LRRC17: variants seen among roughly 807,000 people sequenced by gnomAD.
LRRC17 encodes leucine rich repeat containing 17, also known as leucine-rich repeat-containing protein 17.
A neutral mutation model predicts 41.5 loss-of-function variants in LRRC17; 33 were observed. The ratio of observed to expected loss-of-function variants is 0.80; its 90% CI spans 0.60 to 1.06. LRRC17 has a LOEUF of 1.06. Ranked by LOEUF, LRRC17 falls within the 50% of genes least tolerant of loss-of-function variation. The pLI is 0.00. For synonymous variants in LRRC17, 192 were observed against 197.0 expected, an observed-to-expected ratio of 0.97 and a Z score of 0.21; for missense variants, 491 against 519.3, an observed-to-expected ratio of 0.95 and a Z score of 0.53.
At chr7:102,924,473 A>T (rs1817675117) in intron 1 of LRRC17, among the ~76,000 whole-genome samples, 1 of 152,116 alleles carries the variant, frequency 6.6e-6, no homozygotes, top group South Asian at 2.1e-4. Context: ...GAGCATCAGA[A>T]GAAATTTCAA....
chr7:102,926,427 T>G, intron 1 of LRRC17: 1 of 1,394,580 alleles, frequency 7.2e-7, no homozygotes, highest in Admixed American at 2.0e-5. Flanking sequence ...GGCTTTGCAA[T>G]TTCCCCATTA....
chr7:102,937,725 G>T (rs971284403), intron 2 of LRRC17, among the ~76,000 whole-genome samples: 1 of 152,144 alleles, frequency 6.6e-6, no homozygotes, highest in Non-Finnish European at 1.5e-5. Flanking sequence ...GATTGATGAT[G>T]ATAACTGGAC....
chr7:102,933,219 C>G (rs1819562615), intron 1 of LRRC17: 1 of 151,950 alleles, frequency 6.6e-6, no homozygotes, highest in African/African-American at 2.4e-5. Flanking sequence ...GTGCCATTTA[C>G]TCCAAGCATC....
chr7:102,936,310 A>G (rs1340774689), intron 2 of LRRC17: 1 of 152,238 alleles, frequency 6.6e-6, no homozygotes, highest in Non-Finnish European at 1.5e-5. Flanking sequence ...TCACTTGACC[A>G]TGGATCTCAC....
Position 102,944,592 on chromosome 7 carries a change from T to C in LRRC17, c.1311T>C (p.Ile437=), listed in dbSNP as rs1822127077. The C allele has an allele frequency of 2.5e-6, 4 of 1,605,678 alleles. No individual in the cohort carries two copies. The highest frequency in any genetic ancestry group is 3.4e-6 in the Non-Finnish European group (4 of 1,177,618). ...CCGCAAAGAAGCAAAGCGTAATAAT[T>C]ACTATAGTAGGATAAGGTAGAAATT... The part of the protein sequence containing the change: ...DHTAKKQSVI[I]TIVG Residue 437 remains isoleucine, a synonymous_variant, in exon 4 of 4, where the codon ATT becomes ATC. Coordinates refer to ENST00000339431, the MANE Select transcript of LRRC17 (RefSeq NM_001031692.3).
At chr7:102,933,480 T>C (rs1207635330) in intron 1 of LRRC17, 1 of 153,070 alleles carries the variant, frequency 6.5e-6, no homozygotes, top group Non-Finnish European at 1.5e-5. Flanking sequence ...AAGCATCTTA[T>C]GCGCATGAGC....
chr7:102,920,303 CT>C (rs1816731944), intron 1 of LRRC17, among the ~76,000 whole-genome samples: 1 of 152,144 alleles, frequency 6.6e-6, no homozygotes, highest in African/African-American at 2.4e-5. Flanking sequence ...GACAGAAATA[CT>C]GAGTACAGTG....
chr7:102,933,244 C>T (rs1418905685), intron 1 of LRRC17: 1 of 152,074 alleles, frequency 6.6e-6, no homozygotes, highest in Non-Finnish European at 1.5e-5. Context: ...GAGCCCACAC[C>T]CAACATGGTT....
At chr7:102,919,291 A>T (rs1816520515) in intron 1 of LRRC17, among the ~76,000 whole-genome samples, 1 of 152,210 alleles carries the variant, frequency 6.6e-6, no homozygotes, top group African/African-American at 2.4e-5. Context: ...GCTACAGAGA[A>T]GGCAGTATGC....
At chr7:102,937,541 CTT>C (rs987357039) in intron 2 of LRRC17, among the ~76,000 whole-genome samples, 3 of 148,500 alleles carry the variant, frequency 2.0e-5, no homozygotes, top group African/African-American at 7.4e-5. Flanking sequence ...GTAGCTTTGT[CTT>C]TTAATACTAT....
rs116148908 is a variant in LRRC17, at chr7:102,935,079, T to G, written c.772+394T>G. On this transcript the variant is annotated intron_variant, in intron 2 of 3. Transcript: ENST00000339431. The stretch of plus-strand genomic sequence containing the variant: ...CACCGATTAAAGCCAAAACATGGTG[T>G]GCATCTGTGAGAAGATCACCTCAAA... Among the ~76,000 whole-genome samples, 568 of 152,238 alleles carry G rather than the reference T, an allele frequency of 3.7e-3. 5 individuals are homozygous for G. Among genetic ancestry groups the G allele is most frequent in the African/African-American group, 0.014 (561 of 41,538 alleles).
rs36040681 is a variant in LRRC17 at position 102,934,571 on chromosome 7, T to C, written c.658T>C (p.Leu220=). ...QLCNEEEKEQ[L]DPKPQVSGRP... ...GTGTAATGAAGAAGAAAAGGAACAA[T>C]TGGACCCGAAACCCCAAGTGTCAGG... The change falls in exon 2 of 4, where the codon TTG becomes CTG. Residue 220 remains leucine, a synonymous_variant. Transcript: ENST00000339431. 8.7e-6 allele frequency: 14 copies of C among 1,613,994 alleles called. No homozygotes were observed. Among genetic ancestry groups the C allele is most frequent in the Middle Eastern group, 1.6e-4 (1 of 6,062 alleles).
chr7:102,920,525 T>C (rs1816770986), intron 1 of LRRC17, among the ~76,000 whole-genome samples: 3 of 151,958 alleles, frequency 2.0e-5, no homozygotes, highest in Admixed American at 1.3e-4. Flanking sequence ...AATTTTTGTA[T>C]TTTTTTGTAG....
intron 1 of LRRC17, among the ~76,000 whole-genome samples, chr7:102,928,899 A>T (rs1353269929): frequency 6.6e-6 from 1 of 152,190 alleles, no homozygotes; most frequent in Non-Finnish European, 1.5e-5. Context: ...AGAAAGCAGA[A>T]CATTTTTTTC....
Position 102,933,942 on chromosome 7 carries a change from T to A in LRRC17, c.29T>A (p.Leu10His), listed in dbSNP as rs1210698487. 2 of 1,611,658 alleles carry A rather than the reference T, an allele frequency of 1.2e-6. No homozygotes were observed. The highest frequency in any genetic ancestry group is 2.7e-5 in the African/African-American group (2 of 74,888). The part of the protein sequence containing the change: MRVVTIVIL[L>H]CFCKAAELRK... Reference sequence around the variant, plus strand: ...CGTGTGGTTACCATTGTAATCTTGCTCTGCTTTTGCAAAGCGGCTGAGCTG... The same window carrying A: ...CGTGTGGTTACCATTGTAATCTTGCACTGCTTTTGCAAAGCGGCTGAGCTG... The change falls in exon 2 of 4, where the codon CTC (leucine) becomes CAC (histidine). Residue 10 changes from leucine (L) to histidine (H), a missense_variant. Leu to His is a moderately conservative substitution (Grantham distance 99, BLOSUM62 -3). Transcript: ENST00000339431.
At chr7:102,929,945 TAAAC>T (rs1266702974) in intron 1 of LRRC17, among the ~76,000 whole-genome samples, 1 of 150,998 alleles carries the variant, frequency 6.6e-6, no homozygotes, top group Non-Finnish European at 1.5e-5. Flanking sequence ...TAAAGGTCAA[TAAAC>T]AAAGAGAATG....
chr7:102,934,633 T>A lies in LRRC17; in HGVS notation c.720T>A (p.Thr240=). 6.2e-7 allele frequency: 1 copy of A among 1,608,220 alleles called. No individual in the cohort carries two copies. Among genetic ancestry groups the A allele is most frequent in the Non-Finnish European group, 8.5e-7 (1 of 1,178,524 alleles). Residue 240 remains threonine (T), a synonymous_variant, in exon 2 of 4, where the codon ACT becomes ACA. Coordinates refer to ENST00000339431, the MANE Select transcript of LRRC17 (RefSeq NM_001031692.3). ...PPVIKPEVDS[T]FCHNYVFPIQ... Reference sequence around the variant, plus strand: ...TCATCAAGCCTGAGGTGGACTCAACTTTTTGCCACAATTATGTGTTTCCCA... The same window carrying A: ...TCATCAAGCCTGAGGTGGACTCAACATTTTGCCACAATTATGTGTTTCCCA...
At chr7:102,924,007 A>G (rs1397988114) in intron 1 of LRRC17, among the ~76,000 whole-genome samples, 2 of 152,130 alleles carry the variant, frequency 1.3e-5, no homozygotes, top group African/African-American at 4.8e-5. Flanking sequence ...TGGGAGGCCA[A>G]GGAGGGTGGA....
At position 102,934,552 on chromosome 7, in the gene LRRC17, TGAA is replaced by T. The variant is rs3832497; in HGVS notation, c.646_648del (p.Glu216del). On this transcript the variant is annotated inframe_deletion, in exon 2 of 4. Transcript: ENST00000339431. The stretch of plus-strand genomic sequence containing the variant: ...AGATAAAATCTGAACAGTTGTGTAA[TGAA>T]GAAGAAAAGGAACAATTGGACCCGA... 0.79 allele frequency: 1,278,100 copies of T among 1,613,360 alleles called. 513,073 individuals carry two copies. The highest frequency in any genetic ancestry group is 0.83 in the Middle Eastern group (5,057 of 6,062).
Sources: allele counts gnomAD v4.1 joint callset (sites outside exome capture counted in the v4.1 genomes callset), GRCh38; gene constraint gnomAD v4.1.1; transcripts MANE v1.5; gene names NCBI Gene and HGNC (gene_info 2026-07-23, HGNC 2026-07-21).